CDS2: variants seen among roughly 807,000 people sequenced by gnomAD.
CDS2 encodes phosphatidate cytidylyltransferase 2.
Under a neutral mutation model 59.0 loss-of-function variants are expected in CDS2, and 47 were observed. The observed-to-expected ratio is 0.80, with a 90% confidence interval of 0.63 to 1.02. The LOEUF (loss-of-function observed/expected upper bound fraction) is 1.02. Ranked by LOEUF, CDS2 falls within the 50% of genes least tolerant of loss-of-function variation. The pLI is 0.00. For synonymous variants in CDS2, 207 were observed against 206.4 expected (o/e 1.00, Z -0.02); for missense variants, 356 against 558.9 (o/e 0.64, Z 3.66).
In CDS2 at chr20:5,184,485, A is replaced by G. The variant is rs1033046568; in HGVS notation, c.672-373A>G. On this transcript the variant is annotated intron_variant, in intron 7 of 12. Coordinates refer to ENST00000460006, the MANE Select transcript of CDS2 (RefSeq NM_003818.4). The surrounding 1 kb of genome is among the most constrained non-coding windows in gnomAD (Gnocchi z 4.3). ...ACCACTAGAAAAATAAAAATTAGAA[A>G]CGATTAGAAGTGGTTATTTTTGGGA... Among the ~76,000 whole-genome samples, 1 of 152,226 alleles carries G rather than the reference A, an allele frequency of 6.6e-6. No individual in the cohort carries two copies. Among genetic ancestry groups the G allele is most frequent in the African/African-American group, 2.4e-5 (1 of 41,462 alleles).
intron 3 of CDS2, chr20:5,176,230 G>A (rs545211083): frequency 1.2e-5 from 2 of 162,948 alleles, no homozygotes; most frequent in African/African-American, 4.8e-5. Context: ...ACCAGCCTGG[G>A]AAAGAAGGTG....
Position 5,173,625 on chromosome 20 carries a change from G to A in CDS2, c.160G>A (p.Val54Ile), listed in dbSNP as rs967244872. 6.2e-7 allele frequency: 1 copy of A among 1,614,214 alleles called. No homozygotes were observed. Among genetic ancestry groups the A allele is most frequent in the African/African-American group, 1.3e-5 (1 of 75,066 alleles). The stretch of plus-strand genomic sequence containing the variant: ...AGTCTCTGCAGATGATACCCCGGAG[G>A]TCCTCAATAGGGCCCTTTCCAACTT... The part of the protein sequence containing the change: ...LPVSADDTPE[V>I]LNRALSNLSS... The change falls in exon 2 of 13, where the codon GTC becomes ATC. Residue 54 changes from valine to isoleucine, a missense_variant. By Grantham distance (29) the Val-to-Ile change is conservative (BLOSUM62 3). This residue lies in a region of CDS2 where 107 missense variants were observed against 129.7 expected (regional missense o/e 0.82). Coordinates refer to ENST00000460006, the MANE Select transcript of CDS2 (RefSeq NM_003818.4).
In CDS2 at chr20:5,127,162, T is replaced by TC; in HGVS notation, c.57+14dup. ...ACCCGAGGACAAGGTAGCGGCAGCG[T>TC]CGGGGTGGGCGCGGCCGGGACAGCG... On this transcript the variant is annotated intron_variant, in intron 1 of 12. Coordinates refer to ENST00000460006, the MANE Select transcript of CDS2 (RefSeq NM_003818.4). 6.7e-7 allele frequency: 1 copy of TC among 1,486,346 alleles called. No homozygotes were observed. The highest frequency in any genetic ancestry group is 9.0e-7 in the Non-Finnish European group (1 of 1,116,380). The allele number at this position is 1,486,346 out of a possible 1,614,324, so 92.1% of individuals were successfully genotyped here. A position where few individuals can be genotyped will look rare whatever the true frequency, so the allele number is the denominator to read the frequency against.
At chr20:5,135,588 T>C (rs1377888947) in intron 1 of CDS2, among the ~76,000 whole-genome samples, 1 of 152,212 alleles carries the variant, frequency 6.6e-6, no homozygotes, top group Non-Finnish European at 1.5e-5. Flanking sequence ...TCTTGTCATG[T>C]GGTGGTTACT....
At chr20:5,144,912 C>A (rs1600477023) in intron 1 of CDS2, among the ~76,000 whole-genome samples, 1 of 152,134 alleles carries the variant, frequency 6.6e-6, no homozygotes, top group African/African-American at 2.4e-5. Context: ...CATCCAGTTA[C>A]TACTATTGTG....
intron 1 of CDS2, among the ~76,000 whole-genome samples, chr20:5,156,646 GA>G (rs1051686211): frequency 6.6e-6 from 1 of 151,894 alleles, no homozygotes; most frequent in African/African-American, 2.4e-5. Flanking sequence ...TGACTAAAAA[GA>G]AAAAAAGGAA....
chr20:5,173,692 G>A (rs2090973393), intron 2 of CDS2, 33 bp downstream of exon 2: 1 of 1,612,646 alleles, frequency 6.2e-7, no homozygotes, highest in South Asian at 1.1e-5. Context: ...GTGCTTGTTG[G>A]GGGCTTTGCA....
intron 1 of CDS2, among the ~76,000 whole-genome samples, chr20:5,165,743 C>T (rs1040753841): frequency 2.0e-5 from 3 of 152,064 alleles, no homozygotes; most frequent in African/African-American, 7.2e-5. Context: ...GCCGCTGGGA[C>T]ACACAGGCAG....
At chr20:5,177,067 G>A (rs113049081) in intron 4 of CDS2, among the ~76,000 whole-genome samples, 4,108 of 152,248 alleles carry the variant, frequency 0.027, 94 homozygotes, top group Admixed American at 0.055. Flanking sequence ...GGCCTTGCAG[G>A]AGTCTTATAG....
At chr20:5,152,511 G>A (rs2122996833) in intron 1 of CDS2, among the ~76,000 whole-genome samples, 1 of 152,318 alleles carries the variant, frequency 6.6e-6, no homozygotes, top group African/African-American at 2.4e-5. Flanking sequence ...TGGGGCCAAG[G>A]CGAGTGGATC....
chr20:5,135,429 G>A (rs760545609), intron 1 of CDS2, among the ~76,000 whole-genome samples: 29 of 151,538 alleles, frequency 1.9e-4, no homozygotes, highest in Non-Finnish European at 2.9e-4. Flanking sequence ...GAGGCTGTTG[G>A]GGGTGAAAAA....
chr20:5,154,925 G>A (rs1227167995), intron 1 of CDS2, among the ~76,000 whole-genome samples: 1 of 152,268 alleles, frequency 6.6e-6, no homozygotes, highest in Non-Finnish European at 1.5e-5. Context: ...TGGGATTACA[G>A]GCATGAGCCG....
intron 12 of CDS2, 108 bp from the exon 13 acceptor site, chr20:5,189,994 G>C: frequency 6.8e-7 from 1 of 1,472,684 alleles, no homozygotes. Context: ...CCTGTCATCT[G>C]TTAATAGATA....
chr20:5,152,317 T>C (rs2090799267), intron 1 of CDS2, among the ~76,000 whole-genome samples: 1 of 152,214 alleles, frequency 6.6e-6, no homozygotes, highest in Admixed American at 6.5e-5. Flanking sequence ...ATTTCTTTTT[T>C]TGGCCAAGAT....
intron 1 of CDS2, among the ~76,000 whole-genome samples, chr20:5,152,217 AG>A (rs2090798406): frequency 6.6e-6 from 1 of 152,020 alleles, no homozygotes; most frequent in Non-Finnish European, 1.5e-5. Flanking sequence ...AACTAGGAGT[AG>A]GGGAGTGATG....
At chr20:5,186,047 G>A (rs1320929218) in intron 9 of CDS2, among the ~76,000 whole-genome samples, 1 of 152,254 alleles carries the variant, frequency 6.6e-6, no homozygotes, top group Non-Finnish European at 1.5e-5. Flanking sequence ...CTCGCGCCCA[G>A]GCATGGTGAC....
At chr20:5,168,009 G>A (rs2090925138) in intron 1 of CDS2, among the ~76,000 whole-genome samples, 1 of 152,030 alleles carries the variant, frequency 6.6e-6, no homozygotes. Flanking sequence ...GCTGAATGAT[G>A]GTACTGCTTA....
In CDS2 at chr20:5,168,946, G is replaced by A. The variant is rs550696689; in HGVS notation, c.58-4577G>A. 2.0e-5 allele frequency among the ~76,000 whole-genome samples: 3 copies of A among 152,280 alleles called. No homozygotes were observed. In the East Asian group the frequency reaches 5.8e-4, roughly 29 times the overall value. On this transcript the variant is annotated intron_variant, in intron 1 of 12. Transcript: ENST00000460006. Reference sequence around the variant, plus strand: ...TGGTGGAGAAGCTTTCTGAGCATGAGTTTCTCCAAAAATGCTAATGGCTCT... The same window carrying A: ...TGGTGGAGAAGCTTTCTGAGCATGAATTTCTCCAAAAATGCTAATGGCTCT...
chr20:5,175,405 T>C, intron 3 of CDS2, 126 bp downstream of exon 3: 4 of 723,030 alleles, frequency 5.5e-6, no homozygotes, highest in Non-Finnish European at 9.7e-6. Flanking sequence ...AGAAAACCTC[T>C]GCCATAGAAC....
Sources: allele counts gnomAD v4.1 joint callset (sites outside exome capture counted in the v4.1 genomes callset), GRCh38; gene constraint gnomAD v4.1.1; regional missense constraint gnomAD v4.1.1; non-coding constraint Gnocchi (gnomAD v3.1); transcripts MANE v1.5; gene names NCBI Gene and HGNC (gene_info 2026-07-23, HGNC 2026-07-21).